USP18: variants seen among roughly 807,000 people sequenced by gnomAD.
USP18 encodes ubiquitin specific peptidase 18.
USP18 carries 11 observed loss-of-function variants against 48.7 expected under a neutral mutation model. That is an observed-to-expected ratio of 0.23 (90% CI 0.14 to 0.37). The LOEUF (loss-of-function observed/expected upper bound fraction) is 0.37. USP18 is among the 10% of genes least tolerant of loss of function. USP18 has a pLI of 1.00. For synonymous variants in USP18, 114 were observed against 163.2 expected, an observed-to-expected ratio of 0.70 and a Z score of 2.30; for missense variants, 285 against 436.4, an observed-to-expected ratio of 0.65 and a Z score of 3.09.
chr22:18,176,478 GC>G (rs1452100395), intron 10 of USP18, among the ~76,000 whole-genome samples: 1 of 99,010 alleles, frequency 1.0e-5, no homozygotes, highest in African/African-American at 4.3e-5. Context: ...CTGCACATGT[GC>G]CCGCTGAATC....
chr22:18,172,254 C>T (rs1243714601), intron 8 of USP18, among the ~76,000 whole-genome samples: 1 of 152,198 alleles, frequency 6.6e-6, no homozygotes, highest in Admixed American at 6.5e-5. Context: ...TTGTTTCACC[C>T]AACCCTGTAC....
intron 1 of USP18, among the ~76,000 whole-genome samples, chr22:18,150,769 A>T (rs191220647): frequency 6.6e-6 from 1 of 152,188 alleles, no homozygotes; most frequent in Non-Finnish European, 1.5e-5. Context: ...AGTTACAGAC[A>T]TGGAGAAACC....
chr22:18,163,851 A>C (rs998018654), intron 4 of USP18, among the ~76,000 whole-genome samples: 11 of 152,092 alleles, frequency 7.2e-5, no homozygotes, highest in Admixed American at 5.9e-4. Flanking sequence ...TCAGTGCCCT[A>C]GACAGGGGAG....
intron 6 of USP18, among the ~76,000 whole-genome samples, 164 bp downstream of exon 6, chr22:18,168,200 A>T (rs1929532765): frequency 6.6e-6 from 1 of 151,896 alleles, no homozygotes; most frequent in African/African-American, 2.4e-5. Context: ...GCTGGTGGGA[A>T]CTCTCAGAGT....
chr22:18,163,128 G>C (rs1169549316), intron 4 of USP18, among the ~76,000 whole-genome samples: 1 of 151,634 alleles, frequency 6.6e-6, no homozygotes. Flanking sequence ...ACTTTTTTCT[G>C]TCTCTTTGCT....
chr22:18,173,035 C>T (rs1929678441), intron 8 of USP18, 115 bp from the exon 9 acceptor site: 25 of 1,555,270 alleles, frequency 1.6e-5, no homozygotes, highest in Non-Finnish European at 2.2e-5. Context: ...TGGGTCGGGA[C>T]TGTTTTCTAA....
intron 7 of USP18, among the ~76,000 whole-genome samples, chr22:18,170,494 C>T (rs1189198628): frequency 1.3e-5 from 2 of 152,198 alleles, no homozygotes; most frequent in African/African-American, 2.4e-5. Context: ...CTGGAGCAGA[C>T]GCGGTGGCTC....
intron 1 of USP18, among the ~76,000 whole-genome samples, chr22:18,151,794 C>T (rs1266387731): frequency 6.6e-6 from 1 of 152,140 alleles, no homozygotes; most frequent in East Asian, 1.9e-4. Context: ...CGGTGGCTCA[C>T]GCCTGTAATC....
At chr22:18,154,428 C>CATT (rs1463301651) in intron 1 of USP18, among the ~76,000 whole-genome samples, 1 of 152,120 alleles carries the variant, frequency 6.6e-6, no homozygotes, top group African/African-American at 2.4e-5. Flanking sequence ...CGATGTTACC[C>CATT]ATTATTATTA....
rs1328451537 is a variant in USP18, at chr22:18,161,870, A to T, written c.335A>T (p.Asp112Val). ...QMLLLLEKMQ[D>V]SRQKAVRPLE... ...CTTCTGCTGCTGGAGAAGATGCAGGACAGCCGGCAGAAAGCAGTGCGGCCC... is the reference window on the plus strand; with the variant it reads ...CTTCTGCTGCTGGAGAAGATGCAGGTCAGCCGGCAGAAAGCAGTGCGGCCC... Residue 112 changes from aspartate to valine, a missense_variant, in exon 4 of 11, where the codon GAC becomes GTC. Physicochemically the swap from Asp to Val is radical, Grantham distance 152. This residue lies in a region of USP18 where 199 missense variants were observed against 239.6 expected (regional missense o/e 0.83). Transcript: ENST00000215794. The T allele has an allele frequency of 1.2e-6, 2 of 1,613,974 alleles. No individual in the cohort carries two copies. The highest frequency in any genetic ancestry group is 1.7e-6 in the Non-Finnish European group (2 of 1,179,976).
intron 5 of USP18, among the ~76,000 whole-genome samples, chr22:18,167,630 G>A (rs1426111605): frequency 4.0e-5 from 6 of 149,790 alleles, no homozygotes; most frequent in Non-Finnish European, 7.4e-5. Context: ...CCCGGGAAGC[G>A]GAGCTTGCAG....
chr22:18,155,790 G>T (rs1929116021), intron 1 of USP18, among the ~76,000 whole-genome samples: 2 of 152,320 alleles, frequency 1.3e-5, no homozygotes, highest in African/African-American at 2.4e-5. Context: ...GGGCTCCTGT[G>T]CGGACCAAGC....
chr22:18,173,797 C>G lies in USP18; in HGVS notation c.1028C>G (p.Ser343Cys), dbSNP rs1929705527. The G allele has an allele frequency of 1.9e-6, 3 of 1,607,796 alleles. No individual in the cohort carries two copies. Among genetic ancestry groups the G allele is most frequent in the Non-Finnish European group, 2.6e-6 (3 of 1,175,814 alleles). Residue 343 changes from serine to cysteine, a missense_variant, in exon 10 of 11, where the codon TCC becomes TGC. Ser to Cys is a moderately radical substitution (Grantham distance 112, BLOSUM62 -1). This residue lies in a region of USP18 where 44 missense variants were observed against 64.4 expected (regional missense o/e 0.68). Coordinates refer to ENST00000215794, the MANE Select transcript of USP18 (RefSeq NM_017414.4). Reference sequence around the variant, plus strand: ...CCATTTGTTTCTGGCTTCCAGGTGTCCTGGGAAGACATCCAGTGTACCTAC... The same window carrying G: ...CCATTTGTTTCTGGCTTCCAGGTGTGCTGGGAAGACATCCAGTGTACCTAC... ...CFNDSNICLV[S>C]WEDIQCTYGN...
At chr22:18,156,319 T>A (rs2123727285) in intron 1 of USP18, among the ~76,000 whole-genome samples, 2 of 152,276 alleles carry the variant, frequency 1.3e-5, no homozygotes, top group Non-Finnish European at 2.9e-5. Flanking sequence ...TGGGGCCAGA[T>A]AAGAGAATAA....
intron 1 of USP18, among the ~76,000 whole-genome samples, chr22:18,150,449 GAA>G (rs1177182864): frequency 6.6e-6 from 1 of 152,012 alleles, no homozygotes; most frequent in African/African-American, 2.4e-5. Flanking sequence ...AACAAAAAAA[GAA>G]ATTGCAGAAG....
chr22:18,160,068 C>A (rs1056268442), intron 2 of USP18, 104 bp from the exon 3 acceptor site: 10 of 1,095,514 alleles, frequency 9.1e-6, no homozygotes, highest in Non-Finnish European at 1.3e-5. Context: ...CCCACCTCGG[C>A]CTCCCAAAGT....
At chr22:18,151,071 T>C (rs1928987511) in intron 1 of USP18, among the ~76,000 whole-genome samples, 2 of 151,910 alleles carry the variant, frequency 1.3e-5, no homozygotes, top group Non-Finnish European at 2.9e-5. Context: ...TAATTTTATG[T>C]ATACATTCAT....
intron 10 of USP18, among the ~76,000 whole-genome samples, chr22:18,174,316 C>T (rs1481418737): frequency 2.0e-5 from 3 of 151,778 alleles, no homozygotes; most frequent in Non-Finnish European, 4.4e-5. Flanking sequence ...TTGGCTCCTC[C>T]TCCCAGGTTC....
chr22:18,175,009 G>T (rs1929745329), intron 10 of USP18, among the ~76,000 whole-genome samples: 1 of 152,128 alleles, frequency 6.6e-6, no homozygotes, highest in Non-Finnish European at 1.5e-5. Context: ...TGCCTCGTGG[G>T]TTCATGCCAT....
Sources: allele counts gnomAD v4.1 joint callset (sites outside exome capture counted in the v4.1 genomes callset), GRCh38; gene constraint gnomAD v4.1.1; regional missense constraint gnomAD v4.1.1; transcripts MANE v1.5; gene names NCBI Gene and HGNC (gene_info 2026-07-23, HGNC 2026-07-21).